C8A: variants seen among roughly 807,000 people sequenced by gnomAD.
The protein encoded by C8A is complement C8 alpha chain, also known as complement component C8 alpha chain.
C8A carries 67 observed loss-of-function variants against 65.3 expected under a neutral mutation model. The ratio of observed to expected loss-of-function variants is 1.03; its 90% CI spans 0.84 to 1.26. The LOEUF is 1.26. Among genes scored for constraint, C8A ranks in the 50% most tolerant of loss-of-function variants. The probability of loss-of-function intolerance (pLI) is 0.00; values close to 1 mark genes in which losing one functional copy is unlikely to be tolerated. For synonymous variants in C8A, 290 were observed against 259.4 expected (o/e 1.12, Z -1.13); for missense variants, 781 against 723.9 (o/e 1.08, Z -0.90).
intron 2 of C8A, among the ~76,000 whole-genome samples, chr1:56,871,398 CT>C (rs1324948495): frequency 6.6e-6 from 1 of 152,210 alleles, no homozygotes; most frequent in Non-Finnish European, 1.5e-5. Flanking sequence ...ACTTCAATTC[CT>C]TTTGAAGTAG....
At position 56,907,961 on chromosome 1, in the gene C8A, G is replaced by A. The variant is rs767497299; in HGVS notation, c.1228G>A (p.Ala410Thr). The A allele has an allele frequency of 2.1e-5, 34 of 1,614,086 alleles. No homozygotes were observed. Among genetic ancestry groups the A allele is most frequent in the Non-Finnish European group, 2.8e-5 (33 of 1,180,024 alleles). The part of the protein sequence containing the change: ...KKFGGGKTER[A>T]RKAMAVEDII... ...GTTTATCCTCTTGATGGCAGAAAGG[G>A]CCAGGAAGGCCATGGCTGTGGAAGA... Residue 410 changes from alanine (A) to threonine (T), a missense_variant, in exon 9 of 11, where the codon GCC becomes ACC. Transcript: ENST00000361249.
chr1:56,883,297 T>G lies in C8A; in HGVS notation c.655-184T>G, dbSNP rs376319630. Among the ~76,000 whole-genome samples the G allele has an allele frequency of 2.7e-3, 418 of 152,216 alleles. 29 individuals are homozygous for G. The South Asian group carries it at 0.08, about 29-fold the overall frequency. ...GTATTTTATCAGTACCACTAAACACTAACAATGCTGTGTTTTCTATATTTT... is the reference window on the plus strand; with the variant it reads ...GTATTTTATCAGTACCACTAAACACGAACAATGCTGTGTTTTCTATATTTT... On this transcript the variant is annotated intron_variant, in intron 5 of 10. Coordinates refer to ENST00000361249, the MANE Select transcript of C8A (RefSeq NM_000562.3).
rs114042322 is a variant in C8A at position 56,896,121 on chromosome 1, T to C, written c.1096+9954T>C. Among the ~76,000 whole-genome samples the C allele has an allele frequency of 4.3e-3, 657 of 152,178 alleles. 6 individuals carry two copies. Among genetic ancestry groups the C allele is most frequent in the African/African-American group, 0.015 (638 of 41,518 alleles). On this transcript the variant is annotated intron_variant, in intron 7 of 10. Coordinates refer to ENST00000361249, the MANE Select transcript of C8A (RefSeq NM_000562.3). ...CTTTAAATAAAGGAAAAATCATCAA[T>C]AGCCCTAAGGGAGGCATTGGGAAGT...
chr1:56,885,919 G>T lies in C8A; in HGVS notation c.856-8G>T. The T allele has an allele frequency of 6.2e-7, 1 of 1,613,822 alleles. No homozygotes were observed. The highest frequency in any genetic ancestry group is 1.1e-5 in the South Asian group (1 of 91,044). On this transcript the variant is annotated splice_polypyrimidine_tract_variant and splice_region_variant and intron_variant, in intron 6 of 10. Transcript: ENST00000361249. ...TCTTTTGCTTTATTCAATGGCGGTT[G>T]CTGGCAGAAATTCATTTTCACAAGA...
chr1:56,912,884 T>C (rs569418437), intron 10 of C8A, among the ~76,000 whole-genome samples: 1 of 152,322 alleles, frequency 6.6e-6, no homozygotes, highest in Non-Finnish European at 1.5e-5. Flanking sequence ...TCTGGAGGAA[T>C]AAACTAGTTT....
chr1:56,901,115 G>A (rs1210818872), intron 7 of C8A, among the ~76,000 whole-genome samples: 1 of 152,128 alleles, frequency 6.6e-6, no homozygotes, highest in African/African-American at 2.4e-5. Context: ...GGGGACAGGT[G>A]AGTTAGCTAA....
intron 7 of C8A, among the ~76,000 whole-genome samples, chr1:56,895,422 G>A (rs1358575712): frequency 6.6e-6 from 1 of 152,134 alleles, no homozygotes; most frequent in South Asian, 2.1e-4. Context: ...CTTGCCCAAG[G>A]TCACATAGCT....
chr1:56,887,583 G>A (rs1644310072), intron 7 of C8A, among the ~76,000 whole-genome samples: 1 of 151,920 alleles, frequency 6.6e-6, no homozygotes, highest in Non-Finnish European at 1.5e-5. Context: ...TAATTTCCTT[G>A]CAGATTCTGG....
At chr1:56,881,659 A>G (rs1444488771) in intron 5 of C8A, 25 bp downstream of exon 5, 1 of 1,606,840 alleles carries the variant, frequency 6.2e-7, no homozygotes, top group Non-Finnish European at 8.5e-7. Flanking sequence ...AGGGGCTCTG[A>G]GGCCACTGTG....
chr1:56,880,649 C>A (rs1446993797), intron 4 of C8A, among the ~76,000 whole-genome samples: 1 of 152,072 alleles, frequency 6.6e-6, no homozygotes, highest in Non-Finnish European at 1.5e-5. Flanking sequence ...CTATGAATTG[C>A]ATCCAATATT....
intron 1 of C8A, among the ~76,000 whole-genome samples, chr1:56,863,863 C>A (rs1644058243): frequency 7.3e-6 from 1 of 137,806 alleles, no homozygotes; most frequent in Admixed American, 7.2e-5. Flanking sequence ...CCCACCCTCT[C>A]TCCCTCCCTC....
In C8A at chr1:56,908,225, T is replaced by C. The variant is rs542015051; in HGVS notation, c.1380+112T>C. On this transcript the variant is annotated intron_variant, in intron 9 of 10. Coordinates refer to ENST00000361249, the MANE Select transcript of C8A (RefSeq NM_000562.3). Reference sequence around the variant, plus strand: ...GCCCATCAAAGAACAAGATTAAATGTAATGGCACACTGAACTAGTGGCCTT... The same window carrying C: ...GCCCATCAAAGAACAAGATTAAATGCAATGGCACACTGAACTAGTGGCCTT... 4.8e-6 allele frequency: 6 copies of C among 1,248,260 alleles called. No homozygotes were observed. The South Asian group carries it at 7.5e-5, about 16-fold the overall frequency. 77.3% of individuals were successfully genotyped at this position (1,248,260 alleles called of 1,614,324 possible).
chr1:56,898,146 G>C (rs889462305), intron 7 of C8A, among the ~76,000 whole-genome samples: 1 of 152,116 alleles, frequency 6.6e-6, no homozygotes, highest in Non-Finnish European at 1.5e-5. Context: ...TGAATGTCCA[G>C]ATTCACTCAA....
chr1:56,904,851 T>C (rs970660470), intron 7 of C8A, among the ~76,000 whole-genome samples: 8 of 152,268 alleles, frequency 5.3e-5, no homozygotes, highest in Admixed American at 2.0e-4. Flanking sequence ...CAAGTCAGAC[T>C]GGAATTCTCT....
chr1:56,896,491 A>C (rs955604942), intron 7 of C8A, among the ~76,000 whole-genome samples: 15 of 152,170 alleles, frequency 9.9e-5, no homozygotes, highest in African/African-American at 3.4e-4. Flanking sequence ...TCCAGGTTGA[A>C]GAAAGGAAGA....
intron 10 of C8A, among the ~76,000 whole-genome samples, chr1:56,914,600 G>A (rs1240091451): frequency 1.3e-5 from 2 of 152,108 alleles, no homozygotes; most frequent in Non-Finnish European, 2.9e-5. Flanking sequence ...TTCCTCATTG[G>A]GAGAGTAGTT....
At chr1:56,864,972 G>A (rs1392442026) in intron 1 of C8A, among the ~76,000 whole-genome samples, 2 of 152,116 alleles carry the variant, frequency 1.3e-5, no homozygotes, top group African/African-American at 4.8e-5. Context: ...CAAAATCAAG[G>A]CAGTGGCACT....
chr1:56,869,967 C>A (rs539246529), intron 2 of C8A, among the ~76,000 whole-genome samples: 1 of 152,254 alleles, frequency 6.6e-6, no homozygotes, highest in South Asian at 2.1e-4. Flanking sequence ...GAAACACACA[C>A]AATTTTGACC....
intron 10 of C8A, among the ~76,000 whole-genome samples, chr1:56,915,993 G>A (rs1315677800): frequency 6.6e-6 from 1 of 152,188 alleles, no homozygotes; most frequent in Non-Finnish European, 1.5e-5. Flanking sequence ...AGCACTCCAA[G>A]GGCCCTCAGA....
Sources: allele counts gnomAD v4.1 joint callset (sites outside exome capture counted in the v4.1 genomes callset), GRCh38; gene constraint gnomAD v4.1.1; transcripts MANE v1.5; gene names NCBI Gene and HGNC (gene_info 2026-07-23, HGNC 2026-07-21).